ALMS1: variants seen among roughly 807,000 people sequenced by gnomAD.
ALMS1 encodes ALMS1 centrosome and basal body associated protein.
Under a neutral mutation model 352.2 loss-of-function variants are expected in ALMS1, and 271 were observed. The observed-to-expected ratio is 0.77, with a 90% CI of 0.70 to 0.85. ALMS1 has a LOEUF of 0.85. ALMS1 is among the 40% of genes least tolerant of loss of function. ALMS1 has a pLI of 0.00. For synonymous variants in ALMS1, 1,865 were observed against 1,761.2 expected, an observed-to-expected ratio of 1.06 and a Z score of -1.48; for missense variants, 5,445 against 4,870.7, an observed-to-expected ratio of 1.12 and a Z score of -3.51.
At chr2:73,605,165 G>C (rs561475109) in intron 21 of ALMS1, among the ~76,000 whole-genome samples, 191 of 152,242 alleles carry the variant, frequency 1.3e-3, no homozygotes, top group South Asian at 1.0e-2. Context: ...GAAGAAGTGG[G>C]TCTGTGACTT....
chr2:73,549,393 C>T (rs767246440), intron 12 of ALMS1, among the ~76,000 whole-genome samples: 9 of 151,996 alleles, frequency 5.9e-5, no homozygotes, highest in African/African-American at 9.7e-5. Context: ...AAAAATCTTC[C>T]GTTATGTTGC....
At chr2:73,521,590 A>G (rs1673678447) in intron 11 of ALMS1, among the ~76,000 whole-genome samples, 1 of 151,106 alleles carries the variant, frequency 6.6e-6, no homozygotes, top group African/African-American at 2.4e-5. Context: ...CAAAAAAAAA[A>G]AAAAAAAAAA....
intron 12 of ALMS1, among the ~76,000 whole-genome samples, chr2:73,545,595 G>T (rs768071942): frequency 6.6e-6 from 1 of 152,274 alleles, no homozygotes; most frequent in East Asian, 1.9e-4. Flanking sequence ...TTGAGTATAC[G>T]AAATTAGCAA....
In ALMS1 at chr2:73,559,062, A is replaced by G. The variant is rs187607395; in HGVS notation, c.10304A>G (p.Lys3435Arg). The change falls in exon 15 of 23, where the codon AAA (lysine) becomes AGA (arginine). Residue 3435 changes from lysine to arginine, a missense_variant. Lys to Arg is a conservative substitution (Grantham distance 26, BLOSUM62 2). Coordinates refer to ENST00000613296, the MANE Select transcript of ALMS1 (RefSeq NM_001378454.1). ...CCAGACACTAAAGCCATTACACAGA[A>G]AGAGGAGATCCATAGGAAGAAGACA... ...NLPDTKAITQ[K>R]EEIHRKKTVP... The G allele has an allele frequency of 2.5e-6, 4 of 1,614,070 alleles. No homozygotes were observed. The African/African-American group carries it at 5.3e-5, about 22-fold the overall frequency.
At position 73,490,022 on chromosome 2, in the gene ALMS1, T is replaced by C; in HGVS notation, c.8063T>C (p.Phe2688Ser). 1 of 1,614,236 alleles carries C rather than the reference T, an allele frequency of 6.2e-7. No homozygotes were observed. The highest frequency in any genetic ancestry group is 8.5e-7 in the Non-Finnish European group (1 of 1,180,036). ...CTGTCAGAATTAGTAGAACCTGCTT[T>C]TGTGCCACCTAAAGAAGTGGATTTT... ...PWLSELVEPA[F>S]VPPKEVDFHS... Residue 2688 changes from phenylalanine (F) to serine (S), a missense_variant, in exon 10 of 23, where the codon TTT becomes TCT. Phe to Ser is a radical substitution (Grantham distance 155). Coordinates refer to ENST00000613296, the MANE Select transcript of ALMS1 (RefSeq NM_001378454.1).
chr2:73,483,959 A>G lies in ALMS1; in HGVS notation c.7675-5675A>G, dbSNP rs1437177568. Among the ~76,000 whole-genome samples the G allele has an allele frequency of 1.2e-4, 18 of 150,280 alleles. No individual in the cohort carries two copies. In the East Asian group the frequency reaches 3.3e-3, roughly 27 times the overall value. On this transcript the variant is annotated intron_variant, in intron 9 of 22. Transcript: ENST00000613296. ...TCCTCCATCCTTTTATTTTGAGCCT[A>G]TGTGTGTCTCTGCATGTGAGATGGG...
intron 2 of ALMS1, among the ~76,000 whole-genome samples, chr2:73,415,640 A>G (rs1373355962): frequency 1.3e-5 from 2 of 152,268 alleles, no homozygotes; most frequent in African/African-American, 4.8e-5. Context: ...CACCAGGAAA[A>G]TGTAGTAGGA....
intron 7 of ALMS1, among the ~76,000 whole-genome samples, chr2:73,437,724 T>G (rs1671633301): frequency 6.6e-6 from 1 of 152,176 alleles, no homozygotes; most frequent in Non-Finnish European, 1.5e-5. Flanking sequence ...ATTAAAGATT[T>G]AATATTATGC....
At chr2:73,600,986 C>T (rs370192738) in intron 18 of ALMS1, 105 bp downstream of exon 18, 4 of 1,412,070 alleles carry the variant, frequency 2.8e-6, no homozygotes, top group African/African-American at 2.9e-5. Flanking sequence ...TCCCCACCTA[C>T]CCCCAGCCAC....
chr2:73,411,269 A>G (rs1323578391), intron 2 of ALMS1, among the ~76,000 whole-genome samples: 1 of 152,040 alleles, frequency 6.6e-6, no homozygotes, highest in Non-Finnish European at 1.5e-5. Context: ...TGCCACATCC[A>G]GGGAATGCCT....
intron 11 of ALMS1, among the ~76,000 whole-genome samples, chr2:73,529,897 G>A (rs1419600599): frequency 6.6e-6 from 1 of 152,066 alleles, no homozygotes; most frequent in Admixed American, 6.5e-5. Flanking sequence ...TAACTGCCAC[G>A]TTAAAACCAT....
At chr2:73,441,759 G>A (rs1011840131) in intron 7 of ALMS1, among the ~76,000 whole-genome samples, 7 of 151,712 alleles carry the variant, frequency 4.6e-5, no homozygotes, top group African/African-American at 1.7e-4. Flanking sequence ...GCTAGTCTGC[G>A]TTTCACTTTC....
intron 5 of ALMS1, among the ~76,000 whole-genome samples, chr2:73,425,424 T>C (rs1212495360): frequency 6.6e-6 from 1 of 152,180 alleles, no homozygotes; most frequent in Non-Finnish European, 1.5e-5. Context: ...ACATGTACTC[T>C]CCAGGGGACA....
intron 9 of ALMS1, among the ~76,000 whole-genome samples, chr2:73,475,861 A>G (rs1672572152): frequency 2.0e-5 from 3 of 152,064 alleles, no homozygotes; most frequent in Admixed American, 2.0e-4. Flanking sequence ...CTGTGGTTCT[A>G]TTTGAGGCAA....
chr2:73,590,125 T>G (rs1021848641), intron 16 of ALMS1, among the ~76,000 whole-genome samples: 6 of 152,068 alleles, frequency 3.9e-5, no homozygotes, highest in African/African-American at 1.4e-4. Flanking sequence ...GAAGAGAGTT[T>G]TTCATATAAT....
chr2:73,477,399 G>C (rs1488251657), intron 9 of ALMS1, among the ~76,000 whole-genome samples: 8 of 151,896 alleles, frequency 5.3e-5, no homozygotes, highest in Non-Finnish European at 2.9e-5. Flanking sequence ...TTTGGAGTAA[G>C]TTTTGACATC....
chr2:73,477,209 A>G (rs1448039680), intron 9 of ALMS1, among the ~76,000 whole-genome samples: 3 of 152,060 alleles, frequency 2.0e-5, no homozygotes, highest in Non-Finnish European at 2.9e-5. Context: ...TTGCATATAG[A>G]TATTGAGTTG....
chr2:73,575,431 C>T (rs190247872), intron 16 of ALMS1, among the ~76,000 whole-genome samples: 18 of 152,296 alleles, frequency 1.2e-4, no homozygotes, highest in African/African-American at 4.1e-4. Context: ...AGTTTATATT[C>T]GCACCAGCAG....
intron 1 of ALMS1, among the ~76,000 whole-genome samples, chr2:73,391,198 G>C (rs1051329738): frequency 2.0e-5 from 3 of 151,546 alleles, no homozygotes; most frequent in African/African-American, 7.3e-5. Flanking sequence ...TCAAAGAAGA[G>C]AACACAGGCT....
Sources: allele counts gnomAD v4.1 joint callset (sites outside exome capture counted in the v4.1 genomes callset), GRCh38; gene constraint gnomAD v4.1.1; transcripts MANE v1.5; gene names NCBI Gene and HGNC (gene_info 2026-07-23, HGNC 2026-07-21).